The following SLCO6A1 variants were observed in gnomAD, a reference collection of about 807,000 sequenced individuals.
SLCO6A1 encodes solute carrier organic anion transporter family member 6A1.
A neutral mutation model predicts 72.7 loss-of-function variants in SLCO6A1; 65 were observed. The observed-to-expected ratio is 0.89, with a 90% CI of 0.73 to 1.10. The LOEUF is 1.10. Among genes scored for constraint, SLCO6A1 ranks in the 50% least tolerant of loss-of-function variants. The probability of loss-of-function intolerance (pLI) is 0.00; values close to 1 mark genes in which losing one functional copy is unlikely to be tolerated. For missense variants in SLCO6A1, 874 were observed against 872.6 expected, an observed-to-expected ratio of 1.00 and a Z score of -0.02; for synonymous variants, 314 against 298.2, an observed-to-expected ratio of 1.05 and a Z score of -0.55.
chr5:102,486,322 G>A, intron 1 of SLCO6A1, among the ~76,000 whole-genome samples: 1 of 151,876 alleles, frequency 6.6e-6, no homozygotes, highest in East Asian at 1.9e-4. Flanking sequence ...AGTTTTGGAG[G>A]GATGCATTTT....
Position 102,451,554 on chromosome 5 carries a change from T to A in SLCO6A1, c.1131+6828A>T, listed in dbSNP as rs143627077. Among the ~76,000 whole-genome samples the A allele has an allele frequency of 2.1e-3, 318 of 152,296 alleles. 3 individuals carry two copies. The highest frequency in any genetic ancestry group is 7.3e-3 in the African/African-American group (302 of 41,566). ...AGGCTCCATGCAGCTCTTCATGTCA[T>A]TCTGGAGGCCCTGGATGGAGTGGGT... On this transcript the variant is annotated intron_variant, in intron 6 of 13. Coordinates refer to ENST00000506729, the MANE Select transcript of SLCO6A1 (RefSeq NM_173488.5).
Position 102,498,669 on chromosome 5 carries a change from A to T in SLCO6A1, c.176T>A (p.Ile59Lys). Residue 59 changes from isoleucine (I) to lysine (K), a missense_variant, in exon 1 of 14, where the codon ATA becomes AAA. By Grantham distance (102) the Ile-to-Lys change is moderately radical (BLOSUM62 -3). Transcript: ENST00000506729. ...RYLRLLPEAL[I>K]RFGGFRKRKK... ...CCTTTTTCGGAAACCGCCGAACCTT[A>T]TCAAGGCCTCTGGAAGTAGTCTCAG... The T allele has an allele frequency of 6.2e-7, 1 of 1,614,192 alleles. No individual in the cohort carries two copies. The highest frequency in any genetic ancestry group is 8.5e-7 in the Non-Finnish European group (1 of 1,180,024).
chr5:102,445,527 CT>C (rs1367231830), intron 6 of SLCO6A1, among the ~76,000 whole-genome samples: 1 of 152,144 alleles, frequency 6.6e-6, no homozygotes, highest in Non-Finnish European at 1.5e-5. Context: ...TGTAGGTTGT[CT>C]GTGTACTCTG....
intron 7 of SLCO6A1, among the ~76,000 whole-genome samples, chr5:102,432,046 C>T (rs531231024): frequency 6.6e-5 from 10 of 152,036 alleles, no homozygotes; most frequent in African/African-American, 2.4e-4. Context: ...GAATTGCAAC[C>T]CCTTCAGTTT....
At chr5:102,451,183 C>G (rs1561472092) in intron 6 of SLCO6A1, among the ~76,000 whole-genome samples, 1 of 152,160 alleles carries the variant, frequency 6.6e-6, no homozygotes, top group South Asian at 2.1e-4. Context: ...GCTCATTGCT[C>G]CCTATCGAGC....
rs1033152425 is a variant in SLCO6A1 at position 102,489,103 on chromosome 5, C to G, written c.359-8669G>C. ...CCCTTTATTTTCTTTAAAAAGTCAT[C>G]AAGAAATTGAGCAATGCTCAAGAGC... On this transcript the variant is annotated intron_variant, in intron 1 of 13. Transcript: ENST00000506729. 2.6e-5 allele frequency among the ~76,000 whole-genome samples: 4 copies of G among 152,172 alleles called. No individual in the cohort carries two copies. The East Asian group carries it at 5.8e-4, about 22-fold the overall frequency.
intron 4 of SLCO6A1, among the ~76,000 whole-genome samples, chr5:102,465,115 C>T (rs1393677241): frequency 6.6e-6 from 1 of 152,090 alleles, no homozygotes; most frequent in Non-Finnish European, 1.5e-5. Flanking sequence ...AACTAAAACA[C>T]TGTTGTAGAA....
At chr5:102,432,310 G>A (rs1326329406) in intron 7 of SLCO6A1, among the ~76,000 whole-genome samples, 1 of 152,060 alleles carries the variant, frequency 6.6e-6, no homozygotes, top group African/African-American at 2.4e-5. Flanking sequence ...TGACTTGTTT[G>A]TGTGATTGCT....
At chr5:102,393,233 A>G (rs1746868724) in intron 10 of SLCO6A1, among the ~76,000 whole-genome samples, 1 of 152,148 alleles carries the variant, frequency 6.6e-6, no homozygotes, top group Non-Finnish European at 1.5e-5. Flanking sequence ...TGATTATTCT[A>G]ATGCCTCACA....
chr5:102,440,401 C>T (rs550111708), intron 6 of SLCO6A1, among the ~76,000 whole-genome samples: 3 of 152,056 alleles, frequency 2.0e-5, no homozygotes, highest in Non-Finnish European at 2.9e-5. Flanking sequence ...TTAGGTTGTG[C>T]GATCCCCATG....
intron 4 of SLCO6A1, among the ~76,000 whole-genome samples, chr5:102,469,947 G>C (rs894510597): frequency 6.6e-6 from 1 of 152,088 alleles, no homozygotes; most frequent in Middle Eastern, 3.2e-3. Context: ...TTCTGTTTAT[G>C]TGAGTGGATT....
At chr5:102,389,711 A>G (rs1225009024) in intron 11 of SLCO6A1, among the ~76,000 whole-genome samples, 1 of 151,786 alleles carries the variant, frequency 6.6e-6, no homozygotes, top group Non-Finnish European at 1.5e-5. Flanking sequence ...TCCATCATAC[A>G]TCTTTGTAAC....
intron 6 of SLCO6A1, 88 bp downstream of exon 6, chr5:102,458,294 C>T (rs1302056478): frequency 1.0e-6 from 1 of 954,346 alleles, no homozygotes; most frequent in Non-Finnish European, 1.6e-6. Context: ...TTAGGTTGAA[C>T]CCTTTATGGG....
intron 12 of SLCO6A1, among the ~76,000 whole-genome samples, chr5:102,382,949 TGA>T (rs1389145360): frequency 2.0e-4 from 28 of 140,036 alleles, no homozygotes; most frequent in African/African-American, 5.6e-4. Context: ...TGTATATATA[TGA>T]GAGATATATA....
intron 4 of SLCO6A1, among the ~76,000 whole-genome samples, chr5:102,473,176 A>C (rs1426940072): frequency 6.6e-6 from 1 of 152,060 alleles, no homozygotes; most frequent in Non-Finnish European, 1.5e-5. Context: ...TACTACAAGA[A>C]AACTACAGAC....
At chr5:102,390,689 A>T (rs1392616797) in intron 11 of SLCO6A1, among the ~76,000 whole-genome samples, 1 of 152,184 alleles carries the variant, frequency 6.6e-6, no homozygotes, top group Admixed American at 6.5e-5. Context: ...AGAGTTTTGT[A>T]TGAGCCTACC....
At chr5:102,495,568 G>C (rs1215760712) in intron 1 of SLCO6A1, among the ~76,000 whole-genome samples, 2 of 152,154 alleles carry the variant, frequency 1.3e-5, no homozygotes, top group South Asian at 4.2e-4. Context: ...GCACTACAGC[G>C]TGGGTGACAA....
chr5:102,462,018 T>C (rs540035782), intron 4 of SLCO6A1, among the ~76,000 whole-genome samples: 1 of 152,240 alleles, frequency 6.6e-6, no homozygotes, highest in African/African-American at 2.4e-5. Flanking sequence ...GATGAATGAA[T>C]TCAGTAAAGT....
At chr5:102,428,859 T>C (rs1271706722) in intron 7 of SLCO6A1, among the ~76,000 whole-genome samples, 2 of 152,214 alleles carry the variant, frequency 1.3e-5, no homozygotes, top group Admixed American at 1.3e-4. Flanking sequence ...CTTTAGCTCT[T>C]TGAGGAATCA....
Sources: allele counts gnomAD v4.1 joint callset (sites outside exome capture counted in the v4.1 genomes callset), GRCh38; gene constraint gnomAD v4.1.1; transcripts MANE v1.5; gene names NCBI Gene and HGNC (gene_info 2026-07-23, HGNC 2026-07-21).